LRP1B: variants seen among roughly 807,000 people sequenced by gnomAD.
LRP1B encodes the protein LDL receptor related protein 1B, also known as low-density lipoprotein receptor-related protein 1B.
LRP1B carries 217 observed loss-of-function variants against 556.6 expected under a neutral mutation model. The ratio of observed to expected loss-of-function variants is 0.39; its 90% CI spans 0.35 to 0.44. The LOEUF is 0.44. Among genes scored for constraint, LRP1B ranks in the 20% least tolerant of loss-of-function variants. The pLI is 1.00. For missense variants in LRP1B, 5,053 were observed against 5,620.8 expected, an observed-to-expected ratio of 0.90 and a Z score of 3.23; for synonymous variants, 2,047 against 1,865.8, an observed-to-expected ratio of 1.10 and a Z score of -2.50.
rs543505582 is a variant in LRP1B, at chr2:140,903,176, G to C, written c.3521-11C>G. 29 of 1,611,754 alleles carry C rather than the reference G, an allele frequency of 1.8e-5. No individual in the cohort carries two copies. The South Asian group carries it at 2.1e-4, about 12-fold the overall frequency. ...TCAGCGAACACTCATCTATAAAAAG[G>C]GGGGAACAGATTATAGGTCTTATCA... On this transcript the variant is annotated splice_polypyrimidine_tract_variant and intron_variant, in intron 22 of 90. Transcript: ENST00000389484.
intron 35 of LRP1B, among the ~76,000 whole-genome samples, chr2:140,745,644 C>T (rs1164193210): frequency 2.6e-5 from 4 of 152,064 alleles, no homozygotes; most frequent in Admixed American, 2.0e-4. Context: ...TGTGTTCCAT[C>T]AAATTTGTTC....
intron 2 of LRP1B, among the ~76,000 whole-genome samples, chr2:141,568,482 C>CA (rs1285107620): frequency 2.0e-5 from 3 of 150,716 alleles, no homozygotes; most frequent in Non-Finnish European, 4.5e-5. Context: ...GACAACCACC[C>CA]AAAAAATGAA....
At chr2:142,048,711 C>A (rs1704342698) in intron 1 of LRP1B, among the ~76,000 whole-genome samples, 1 of 151,924 alleles carries the variant, frequency 6.6e-6, no homozygotes. Context: ...TTATAACATT[C>A]TTCATTTCCA....
chr2:140,276,687 C>A (rs1171086193), intron 84 of LRP1B, among the ~76,000 whole-genome samples: 14 of 152,054 alleles, frequency 9.2e-5, no homozygotes, highest in Middle Eastern at 3.4e-3. Context: ...TTTAAAATTT[C>A]ATCCACTGGG....
intron 3 of LRP1B, among the ~76,000 whole-genome samples, chr2:141,467,151 TCCTCTCAG>T (rs1682260582): frequency 7.2e-6 from 1 of 138,420 alleles, no homozygotes; most frequent in African/African-American, 2.9e-5. Context: ...TATATATATA[TCCTCTCAG>T]GTGTATTAAA....
At chr2:141,120,684 A>AT (rs1701026297) in intron 7 of LRP1B, among the ~76,000 whole-genome samples, 1 of 151,920 alleles carries the variant, frequency 6.6e-6, no homozygotes. Context: ...TTATAATTTT[A>AT]TTTTTCTAAA....
At position 141,625,029 on chromosome 2, in the gene LRP1B, A is replaced by G. The variant is rs923553771; in HGVS notation, c.206-144496T>C. ...GTGATCCGCCCGCCTCAGCCTCCCA[A>G]AGTGCTGGGATTACAGGCGTGAGCC... On this transcript the variant is annotated intron_variant, in intron 2 of 90. Transcript: ENST00000389484. Among the ~76,000 whole-genome samples, 118 of 152,226 alleles carry G rather than the reference A, an allele frequency of 7.8e-4. 1 individual carries two copies. The highest frequency in any genetic ancestry group is 1.0e-3 in the Admixed American group (16 of 15,292).
intron 1 of LRP1B, among the ~76,000 whole-genome samples, chr2:141,975,503 GGAAGA>G (rs1174890427): frequency 1.3e-5 from 2 of 152,012 alleles, no homozygotes; most frequent in Admixed American, 6.6e-5. Context: ...ATGGATTGAA[GGAAGA>G]GAAAACACTG....
chr2:140,392,493 C>CT (rs755495673), intron 66 of LRP1B, among the ~76,000 whole-genome samples: 2,083 of 145,376 alleles, frequency 0.014, 43 homozygotes, highest in Non-Finnish European at 0.016. Flanking sequence ...AGAATGCAAC[C>CT]TTTTTTTTTT....
At chr2:140,787,503 T>C (rs958853930) in intron 32 of LRP1B, among the ~76,000 whole-genome samples, 5 of 151,410 alleles carry the variant, frequency 3.3e-5, no homozygotes. Context: ...ATAGCATTCA[T>C]AGTCTTAAAG....
chr2:140,647,056 G>T (rs1032688537), intron 41 of LRP1B, among the ~76,000 whole-genome samples: 3 of 152,116 alleles, frequency 2.0e-5, no homozygotes, highest in Admixed American at 6.5e-5. Flanking sequence ...CTAATGGGAA[G>T]ATGTTTCACA....
At chr2:141,237,554 A>C (rs2105310011) in intron 5 of LRP1B, among the ~76,000 whole-genome samples, 1 of 152,122 alleles carries the variant, frequency 6.6e-6, no homozygotes, top group South Asian at 2.1e-4. Flanking sequence ...ACTCAGGTAA[A>C]CTACTGATAA....
chr2:140,561,544 T>C (rs1187237010), intron 43 of LRP1B, among the ~76,000 whole-genome samples: 4 of 152,162 alleles, frequency 2.6e-5, no homozygotes, highest in African/African-American at 4.8e-5. Flanking sequence ...TCTTTTGTTA[T>C]AGAAGTGTCG....
chr2:140,399,176 C>CACACACACACACACACACACACACA lies in LRP1B; in HGVS notation c.10415-13168_10415-13167insTGTGTGTGTGTGTGTGTGTGTGTGT, dbSNP rs377687105. On this transcript the variant is annotated intron_variant, in intron 66 of 90. Coordinates refer to ENST00000389484, the MANE Select transcript of LRP1B (RefSeq NM_018557.3). Reference sequence around the variant, plus strand: ...GAGAAGACCAAGATACACACACACACACACACACACACACCACTTATTCAA... The same window carrying CACACACACACACACACACACACACA: ...GAGAAGACCAAGATACACACACACACACACACACACACACACACACACACAACACACACACACACCACTTATTCAA... Among the ~76,000 whole-genome samples the CACACACACACACACACACACACACA allele has an allele frequency of 4.8e-3, 726 of 151,808 alleles. 5 individuals carry two copies. Among genetic ancestry groups the CACACACACACACACACACACACACA allele is most frequent in the African/African-American group, 0.015 (635 of 41,318 alleles).
rs114589852 is a variant in LRP1B, at chr2:141,201,208, G to A, written c.851-12625C>T. ...ACGGTGCGAAATAATAGTGACAACT[G>A]GTGAGTCTGAATGAGTAAAAATGGC... On this transcript the variant is annotated intron_variant, in intron 6 of 90. Coordinates refer to ENST00000389484, the MANE Select transcript of LRP1B (RefSeq NM_018557.3). Among the ~76,000 whole-genome samples, 369 of 152,266 alleles carry A rather than the reference G, an allele frequency of 2.4e-3. 2 individuals are homozygous for A. The highest frequency in any genetic ancestry group is 8.7e-3 in the African/African-American group (361 of 41,570).
At chr2:140,234,504 G>C (rs977800172) in intron 90 of LRP1B, among the ~76,000 whole-genome samples, 4 of 151,134 alleles carry the variant, frequency 2.6e-5, no homozygotes, top group African/African-American at 9.7e-5. Context: ...GAGCTTCTTT[G>C]CTAAGAATAA....
rs997043998 is a variant in LRP1B, at chr2:140,529,444, A to G, written c.7763-3094T>C. Among the ~76,000 whole-genome samples the G allele has an allele frequency of 2.0e-5, 3 of 149,394 alleles. 1 individual carries two copies. Among genetic ancestry groups the G allele is most frequent in the African/African-American group, 7.5e-5 (3 of 40,040 alleles). ...AGGGAAGCTGAAAAGGGGGGGGGGA[A>G]GCATTAAGTTTGCTCTCATATCTCC... On this transcript the variant is annotated intron_variant, in intron 47 of 90. Coordinates refer to ENST00000389484, the MANE Select transcript of LRP1B (RefSeq NM_018557.3).
intron 41 of LRP1B, among the ~76,000 whole-genome samples, chr2:140,660,875 T>G (rs201807394): frequency 0.078 from 11,737 of 151,404 alleles, 579 homozygotes; most frequent in East Asian, 0.18. Context: ...TTTTGTGTTT[T>G]TTTTTTTTTT....
intron 2 of LRP1B, among the ~76,000 whole-genome samples, chr2:141,749,296 C>A (rs1031695004): frequency 6.6e-6 from 1 of 152,068 alleles, no homozygotes; most frequent in Non-Finnish European, 1.5e-5. Flanking sequence ...TTACTAAGGG[C>A]ACCCTATTGT....
Sources: gnomAD v4.1 joint callset for allele counts (sites outside exome capture counted in the v4.1 genomes callset) on GRCh38, gnomAD v4.1.1 for gene constraint, MANE v1.5 for transcripts, NCBI Gene and HGNC (gene_info 2026-07-23, HGNC 2026-07-21) for gene names.